The following TNFRSF10D variants were observed in gnomAD, a reference collection of about 807,000 sequenced individuals.
The protein encoded by TNFRSF10D is tumor necrosis factor receptor superfamily member 10D.
In TNFRSF10D, 28 loss-of-function variants were observed where a neutral mutation model predicts 42.1. The observed-to-expected ratio is 0.66, with a 90% CI of 0.49 to 0.91. TNFRSF10D has a LOEUF of 0.91. Ranked by LOEUF, TNFRSF10D falls within the 40% of genes least tolerant of loss-of-function variation. The pLI, the probability that TNFRSF10D is intolerant of heterozygous loss-of-function variation, is 0.00. For synonymous variants in TNFRSF10D, 186 were observed against 189.4 expected (o/e 0.98, Z 0.15); for missense variants, 503 against 486.1 (o/e 1.03, Z -0.33).
rs762157620 is a variant in TNFRSF10D at position 23,148,488 on chromosome 8, A to G, written c.320T>C (p.Ile107Thr). ...GCAAGAAGGCAAATTGTTGGAAGCA[A>G]TGGTGTAATCCACACCCTCTGTGCA... ...NPCTEGVDYT[I>T]ASNNLPSCLL... The change falls in exon 3 of 9, where the codon ATT (isoleucine) becomes ACT (threonine). Residue 107 changes from isoleucine (I) to threonine (T), a missense_variant. Ile to Thr is a moderately conservative substitution (Grantham distance 89, BLOSUM62 -1). Coordinates refer to ENST00000312584, the MANE Select transcript of TNFRSF10D (RefSeq NM_003840.5). 4.0e-5 allele frequency: 64 copies of G among 1,610,864 alleles called. No individual in the cohort carries two copies. Among genetic ancestry groups the G allele is most frequent in the Non-Finnish European group, 5.3e-5 (62 of 1,177,966 alleles).
In TNFRSF10D at chr8:23,145,689, A is replaced by G; in HGVS notation, c.715T>C (p.Tyr239His). The change falls in exon 5 of 9, where the codon TAC (tyrosine) becomes CAC (histidine). Residue 239 changes from tyrosine to histidine, a missense_variant. By Grantham distance (83) the Tyr-to-His change is moderately conservative. Transcript: ENST00000312584. The part of the protein sequence containing the change: ...GFSCRKKFIS[Y>H]LKGICSGGGG... The stretch of plus-strand genomic sequence containing the variant: ...CTACCTGAGCAGATGCCTTTGAGGT[A>G]AGAAATGAATTTCTTCCGACATGAA... The G allele has an allele frequency of 6.2e-7, 1 of 1,614,152 alleles. No individual in the cohort carries two copies. The highest frequency in any genetic ancestry group is 8.5e-7 in the Non-Finnish European group (1 of 1,180,032).
At chr8:23,150,689 T>C (rs997455319) in intron 2 of TNFRSF10D, among the ~76,000 whole-genome samples, 6 of 151,952 alleles carry the variant, frequency 3.9e-5, no homozygotes, top group Non-Finnish European at 7.4e-5. Flanking sequence ...AAATGAGTAG[T>C]TTAATATACA....
At chr8:23,147,288 G>C (rs555566074) in intron 3 of TNFRSF10D, among the ~76,000 whole-genome samples, 48 of 152,310 alleles carry the variant, frequency 3.2e-4, no homozygotes, top group African/African-American at 1.1e-3. Flanking sequence ...TATTATATCA[G>C]GTTAGGGGAA....
At chr8:23,148,902 T>G (rs1187996080) in intron 2 of TNFRSF10D, among the ~76,000 whole-genome samples, 1 of 92,248 alleles carries the variant, frequency 1.1e-5, no homozygotes, top group East Asian at 2.1e-4. Context: ...ATATTTTATC[T>G]TTTTTTGGCC....
rs764226074 is a variant in TNFRSF10D at position 23,148,428 on chromosome 8, C to A, written c.370+10G>T. On this transcript the variant is annotated intron_variant, in intron 3 of 8. Coordinates refer to ENST00000312584, the MANE Select transcript of TNFRSF10D (RefSeq NM_003840.5). ...TCCACCTCTGGGCAAGGGGTCCACACATTCTGTACCTGATTTACAAACTGT... is the reference window on the plus strand; with the variant it reads ...TCCACCTCTGGGCAAGGGGTCCACAAATTCTGTACCTGATTTACAAACTGT... 5 of 1,601,652 alleles carry A rather than the reference C, an allele frequency of 3.1e-6. No individual in the cohort carries two copies. The South Asian group carries it at 5.5e-5, about 18-fold the overall frequency.
Position 23,138,275 on chromosome 8 carries a change from G to A in TNFRSF10D, c.955-15C>T. ...TCTGCCTGTTCCTGTAACACACAGT[G>A]GGGAATGCTCTGGTCAGAGTCAGGA... is the stretch of plus-strand genomic sequence containing the variant. On this transcript the variant is annotated splice_polypyrimidine_tract_variant and intron_variant, in intron 7 of 8. Coordinates refer to ENST00000312584, the MANE Select transcript of TNFRSF10D (RefSeq NM_003840.5). 1.9e-6 allele frequency: 3 copies of A among 1,614,170 alleles called. No individual in the cohort carries two copies. Among genetic ancestry groups the A allele is most frequent in the Non-Finnish European group, 2.5e-6 (3 of 1,180,014 alleles).
At chr8:23,151,072 T>A (rs1050360386) in intron 2 of TNFRSF10D, among the ~76,000 whole-genome samples, 770 of 151,456 alleles carry the variant, frequency 5.1e-3, no homozygotes, top group African/African-American at 0.016. Context: ...AAAAAACCCC[T>A]AACAGATAAA....
chr8:23,157,424 T>G (rs1051500741), intron 1 of TNFRSF10D, among the ~76,000 whole-genome samples: 5 of 152,244 alleles, frequency 3.3e-5, no homozygotes, highest in Non-Finnish European at 7.3e-5. Flanking sequence ...CAGTCTCGTT[T>G]CATTAAGTTT....
rs374060426 is a variant in TNFRSF10D at position 23,148,419 on chromosome 8, G to A, written c.370+19C>T. 15 of 1,588,646 alleles carry A rather than the reference G, an allele frequency of 9.4e-6. No individual in the cohort carries two copies. Among genetic ancestry groups the A allele is most frequent in the Non-Finnish European group, 1.3e-5 (15 of 1,159,362 alleles). On this transcript the variant is annotated intron_variant, in intron 3 of 8. Transcript: ENST00000312584. The stretch of plus-strand genomic sequence containing the variant: ...ACTATGCACTCCACCTCTGGGCAAG[G>A]GGTCCACACATTCTGTACCTGATTT...
chr8:23,145,064 C>T lies in TNFRSF10D; in HGVS notation c.762G>A (p.Val254=), dbSNP rs1471308379. ...TCTGGAGAAACCAACTCACTCTGTG[C>T]ACACGTTCGGGACCTCCTCCACCAC... ...CSGGGGGPER[V]HRVLFRRRSC... Residue 254 remains valine, a synonymous_variant, in exon 6 of 9, where the codon GTG becomes GTA. Coordinates refer to ENST00000312584, the MANE Select transcript of TNFRSF10D (RefSeq NM_003840.5). 1 of 1,614,114 alleles carries T rather than the reference C, an allele frequency of 6.2e-7. No homozygotes were observed. The highest frequency in any genetic ancestry group is 1.7e-5 in the Admixed American group (1 of 60,030).
In TNFRSF10D at chr8:23,138,203, C is replaced by T. The variant is rs1178006257; in HGVS notation, c.1012G>A (p.Ala338Thr). Residue 338 changes from alanine (A) to threonine (T), a missense_variant, in exon 8 of 9, where the codon GCT becomes ACT. Transcript: ENST00000312584. Reference sequence around the variant, plus strand: ...AAACACTTACTGTCAGCGGAGTCAGCGTCATTCACTGGAACCAGCAGCCTC... The same window carrying T: ...AAACACTTACTGTCAGCGGAGTCAGTGTCATTCACTGGAACCAGCAGCCTC... ...RRRLLVPVNDADSADISTLLD... is the reference protein window; with the variant it reads ...RRRLLVPVNDTDSADISTLLD... 9 of 1,614,090 alleles carry T rather than the reference C, an allele frequency of 5.6e-6. No homozygotes were observed. The highest frequency in any genetic ancestry group is 1.6e-4 in the Middle Eastern group (1 of 6,084).
Position 23,145,669 on chromosome 8 carries a change from T to C in TNFRSF10D, c.735A>G (p.Ser245=). The part of the protein sequence containing the change: ...KFISYLKGIC[S]GGGGGPERVH... ...CTCCCACCCTCAGCCAGCACCTACC[T>C]GAGCAGATGCCTTTGAGGTAAGAAA... is the stretch of plus-strand genomic sequence containing the variant. Residue 245 remains serine (S), a splice_region_variant and synonymous_variant, in exon 5 of 9, where the codon TCA becomes TCG. Transcript: ENST00000312584. The C allele has an allele frequency of 1.2e-6, 2 of 1,614,000 alleles. No individual in the cohort carries two copies. Among genetic ancestry groups the C allele is most frequent in the African/African-American group, 1.3e-5 (1 of 75,040 alleles).
intron 1 of TNFRSF10D, among the ~76,000 whole-genome samples, chr8:23,156,381 G>T (rs1800280246): frequency 6.6e-6 from 1 of 151,846 alleles, no homozygotes; most frequent in African/African-American, 2.4e-5. Context: ...AAGACAAAAT[G>T]TAGCTTTCTT....
rs980603867 is a variant in TNFRSF10D at position 23,140,001 on chromosome 8, G to A, written c.955-1741C>T. ...TCTACTAAAGAATACAAAAATTAAC[G>A]GGGCGTAGCTGGGTACGGTGGCTCA... On this transcript the variant is annotated intron_variant, in intron 7 of 8. Transcript: ENST00000312584. 3.3e-5 allele frequency among the ~76,000 whole-genome samples: 5 copies of A among 151,776 alleles called. No individual in the cohort carries two copies. The South Asian group carries it at 8.3e-4, about 25-fold the overall frequency.
At chr8:23,138,715 C>T (rs192564429) in intron 7 of TNFRSF10D, among the ~76,000 whole-genome samples, 925 of 152,192 alleles carry the variant, frequency 6.1e-3, no homozygotes, top group African/African-American at 0.019. Context: ...CTTTGATCAT[C>T]AGTACTCTAC....
chr8:23,140,408 ACACACACAC>A (rs1037521033), intron 7 of TNFRSF10D, among the ~76,000 whole-genome samples: 11 of 146,810 alleles, frequency 7.5e-5, no homozygotes, highest in Non-Finnish European at 1.3e-4. Flanking sequence ...ACACACACAC[ACACACACAC>A]AATACCTAGA....
intron 6 of TNFRSF10D, among the ~76,000 whole-genome samples, 174 bp downstream of exon 6, chr8:23,144,882 CTG>C (rs1440868689): frequency 1.3e-5 from 2 of 152,178 alleles, no homozygotes; most frequent in Admixed American, 1.3e-4. Flanking sequence ...GCCTGCTGGT[CTG>C]TGTGCTGCTC....
At position 23,135,934 on chromosome 8, in the gene TNFRSF10D, G is replaced by C; in HGVS notation, c.*1936C>G. 2.2e-6 allele frequency: 1 copy of C among 449,056 alleles called. No individual in the cohort carries two copies. Among genetic ancestry groups the C allele is most frequent in the Non-Finnish European group, 4.5e-6 (1 of 224,226 alleles). The allele number at this position is 449,056 out of a possible 1,614,324, so 27.8% of individuals were successfully genotyped here. ...AGGCAGCAGCACCCTGTGTCATCCA[G>C]AAGTGCAGGGGACAAGGTGTGGGAC... On this transcript the variant is annotated 3_prime_UTR_variant, in exon 9 of 9. Transcript: ENST00000312584.
In TNFRSF10D at chr8:23,144,589, T is replaced by C. The variant is rs747801021; in HGVS notation, c.815A>G (p.Glu272Gly). 1 of 1,613,996 alleles carries C rather than the reference T, an allele frequency of 6.2e-7. No individual in the cohort carries two copies. Among genetic ancestry groups the C allele is most frequent in the Non-Finnish European group, 8.5e-7 (1 of 1,180,008 alleles). Reference protein sequence around the residue: ...RSCPSRVPGAEDNARNETLSN... With the variant: ...RSCPSRVPGAGDNARNETLSN... Reference sequence around the variant, plus strand: ...CAGGGTCTCGTTGCGGGCATTGTCCTCCGCCCCAGGAACTCGTGAAGGACA... The same window carrying C: ...CAGGGTCTCGTTGCGGGCATTGTCCCCCGCCCCAGGAACTCGTGAAGGACA... Residue 272 changes from glutamate to glycine, a missense_variant, in exon 7 of 9, where the codon GAG becomes GGG. Glu to Gly is a moderately conservative substitution (Grantham distance 98). Coordinates refer to ENST00000312584, the MANE Select transcript of TNFRSF10D (RefSeq NM_003840.5).
Sources: allele counts gnomAD v4.1 joint callset (sites outside exome capture counted in the v4.1 genomes callset), GRCh38; gene constraint gnomAD v4.1.1; transcripts MANE v1.5; gene names NCBI Gene and HGNC (gene_info 2026-07-23, HGNC 2026-07-21).